Variants in GAL3ST1 observed in about 807,000 individuals in gnomAD.
The protein encoded by GAL3ST1 is galactosylceramide sulfotransferase.
GAL3ST1 carries 13 observed loss-of-function variants against 25.0 expected under a neutral mutation model. The observed-to-expected ratio is 0.52, with a 90% CI of 0.34 to 0.83. The LOEUF (loss-of-function observed/expected upper bound fraction) is 0.83, where lower values mean the gene tolerates loss of function less well. Among genes scored for constraint, GAL3ST1 ranks in the 40% least tolerant of loss-of-function variants. The pLI is 0.02. For synonymous variants in GAL3ST1, 274 were observed against 277.8 expected (o/e 0.99, Z 0.14); for missense variants, 474 against 613.6 (o/e 0.77, Z 2.40).
intron 3 of GAL3ST1, among the ~76,000 whole-genome samples, chr22:30,556,571 C>T (rs2086041775): frequency 6.6e-6 from 1 of 152,174 alleles, no homozygotes. Flanking sequence ...TTCTCAGGAG[C>T]TGGGCCTGGA....
intron 1 of GAL3ST1, among the ~76,000 whole-genome samples, chr22:30,560,069 G>A (rs1409318071): frequency 6.6e-6 from 1 of 152,188 alleles, no homozygotes; most frequent in Non-Finnish European, 1.5e-5. Context: ...GGGGGCAGAG[G>A]TTGGCAGAGG....
intron 1 of GAL3ST1, chr22:30,560,173 A>G (rs555324880): frequency 2.6e-4 from 39 of 152,316 alleles, no homozygotes; most frequent in African/African-American, 9.1e-4. Context: ...CAACACGTTA[A>G]CAAATGTGTT....
At chr22:30,570,923 T>C (rs1475461898) in intron 1 of GAL3ST1, among the ~76,000 whole-genome samples, 1 of 152,042 alleles carries the variant, frequency 6.6e-6, no homozygotes, top group Non-Finnish European at 1.5e-5. Flanking sequence ...AAATTGTAGC[T>C]CTCTGGGGAG....
At chr22:30,573,775 G>A (rs1336019941) in intron 1 of GAL3ST1, among the ~76,000 whole-genome samples, 1 of 152,222 alleles carries the variant, frequency 6.6e-6, no homozygotes, top group Non-Finnish European at 1.5e-5. Context: ...CCACTGGGCA[G>A]GGCTCGGTCT....
intron 1 of GAL3ST1, among the ~76,000 whole-genome samples, chr22:30,569,020 G>A (rs1273913477): frequency 2.0e-5 from 3 of 147,948 alleles, no homozygotes; most frequent in Non-Finnish European, 4.4e-5. Flanking sequence ...AGTTTGCAGT[G>A]AGCAGAGATC....
chr22:30,556,626 C>G (rs533890698), intron 3 of GAL3ST1, among the ~76,000 whole-genome samples: 1 of 152,194 alleles, frequency 6.6e-6, no homozygotes, highest in Non-Finnish European at 1.5e-5. Context: ...CAGGTCGCCC[C>G]CACCAGGGCC....
intron 3 of GAL3ST1, 126 bp from the exon 4 acceptor site, chr22:30,556,219 G>C: frequency 1.3e-6 from 1 of 772,972 alleles, no homozygotes; most frequent in Non-Finnish European, 2.0e-6. Flanking sequence ...AGACCTGTGG[G>C]GCCTGAGTCC....
chr22:30,564,533 C>T (rs2086562868), intron 1 of GAL3ST1, among the ~76,000 whole-genome samples: 1 of 152,196 alleles, frequency 6.6e-6, no homozygotes, highest in African/African-American at 2.4e-5. Flanking sequence ...ACGGTCCCCC[C>T]GTCACCAGCC....
Position 30,556,027 on chromosome 22 carries a change from G to C in GAL3ST1, c.198C>G (p.Asn66Lys), listed in dbSNP as rs4149493. ...ALEPEAVIRANGSAGECQPRR... is the reference protein window; with the variant it reads ...ALEPEAVIRAKGSAGECQPRR... ...GCGGCTGGCACTCCCCCGCCGAGCC[G>C]TTGGCCCGGATCACTGCCTCTGGCT... The change falls in exon 4 of 4, where the codon AAC (asparagine) becomes AAG (lysine). Residue 66 changes from asparagine (N) to lysine (K), a missense_variant. Physicochemically the swap from Asn to Lys is moderately conservative, Grantham distance 94. This residue lies in a region of GAL3ST1 where 115 missense variants were observed against 109.2 expected (regional missense o/e 1.05). Coordinates refer to ENST00000406361, the MANE Select transcript of GAL3ST1 (RefSeq NM_001318104.2). The C allele has an allele frequency of 1.5e-5, 24 of 1,612,704 alleles. No individual in the cohort carries two copies. In the Admixed American group the frequency reaches 3.7e-4, roughly 25 times the overall value.
rs566183603 is a variant in GAL3ST1, at chr22:30,557,513, C to A, written c.-9-112G>T. ...TGCCTTTGCCTGCTCTGTGGCCCCC[C>A]AGCAGGGTCCAGACAGGGACAGAGA... is the stretch of plus-strand genomic sequence containing the variant. On this transcript the variant is annotated intron_variant, in intron 2 of 3. Coordinates refer to ENST00000406361, the MANE Select transcript of GAL3ST1 (RefSeq NM_001318104.2). 10 of 1,150,912 alleles carry A rather than the reference C, an allele frequency of 8.7e-6. No homozygotes were observed. In the South Asian group the frequency reaches 1.4e-4, roughly 17 times the overall value. 71.3% of individuals were successfully genotyped at this position (1,150,912 alleles called of 1,614,324 possible). A position where few individuals can be genotyped will look rare whatever the true frequency, so the allele number is the denominator to read the frequency against.
intron 1 of GAL3ST1, among the ~76,000 whole-genome samples, chr22:30,574,058 C>A (rs989211517): frequency 6.6e-6 from 1 of 152,158 alleles, no homozygotes; most frequent in Non-Finnish European, 1.5e-5. Flanking sequence ...CTAGGAAGGG[C>A]TGATGGAGAC....
intron 1 of GAL3ST1, among the ~76,000 whole-genome samples, chr22:30,564,079 T>G (rs1331369092): frequency 3.3e-5 from 5 of 152,164 alleles, no homozygotes; most frequent in Admixed American, 2.0e-4. Context: ...ACACTTCTGG[T>G]CCCAAGCATT....
intron 1 of GAL3ST1, among the ~76,000 whole-genome samples, chr22:30,573,848 A>T (rs368943282): frequency 4.6e-5 from 7 of 151,912 alleles, no homozygotes; most frequent in African/African-American, 1.7e-4. Context: ...ATCAAGCTGG[A>T]CCCCCTTCCT....
chr22:30,559,133 G>A (rs1051828226), intron 1 of GAL3ST1, among the ~76,000 whole-genome samples: 1 of 151,976 alleles, frequency 6.6e-6, no homozygotes, highest in Non-Finnish European at 1.5e-5. Flanking sequence ...ATTCCTGCCT[G>A]GGTGACAGAG....
Position 30,555,008 on chromosome 22 carries a change from G to A in GAL3ST1, c.1217C>T (p.Ala406Val). The change falls in exon 4 of 4, where the codon GCC (alanine) becomes GTC (valine). Residue 406 changes from alanine to valine, a missense_variant. This residue lies in a region of GAL3ST1 where 359 missense variants were observed against 504.4 expected (regional missense o/e 0.71). Transcript: ENST00000406361. This position sits in a 1 kb window ranked among gnomAD's most constrained non-coding sequence, Gnocchi z 8.6. The part of the protein sequence containing the change: ...PEIQYLMDLG[A>V]NLWVTKLWKF... ...CCAGAGCTTGGTGACCCACAGGTTG[G>A]CGCCGAGGTCCATCAGGTACTGGAT... 1 of 1,600,182 alleles carries A rather than the reference G, an allele frequency of 6.2e-7. No individual in the cohort carries two copies. The highest frequency in any genetic ancestry group is 8.5e-7 in the Non-Finnish European group (1 of 1,170,008).
At chr22:30,571,010 ACACACT>A (rs1363285352) in intron 1 of GAL3ST1, among the ~76,000 whole-genome samples, 2 of 147,248 alleles carry the variant, frequency 1.4e-5, no homozygotes, top group Admixed American at 6.8e-5. Flanking sequence ...ACACACACAC[ACACACT>A]CTTTACAAAA....
At chr22:30,568,915 A>G (rs570234946) in intron 1 of GAL3ST1, among the ~76,000 whole-genome samples, 1 of 152,150 alleles carries the variant, frequency 6.6e-6, no homozygotes, top group Admixed American at 6.5e-5. Context: ...GTCTGTACTA[A>G]AAATACAGAA....
At chr22:30,561,371 G>A (rs1369204708) in intron 1 of GAL3ST1, among the ~76,000 whole-genome samples, 7 of 152,088 alleles carry the variant, frequency 4.6e-5, no homozygotes, top group Non-Finnish European at 8.8e-5. Flanking sequence ...GCCCAAAGCA[G>A]GGGCCTGCCT....
chr22:30,566,329 G>T (rs1469943500), intron 1 of GAL3ST1, among the ~76,000 whole-genome samples: 1 of 152,248 alleles, frequency 6.6e-6, no homozygotes, highest in Non-Finnish European at 1.5e-5. Context: ...CGTGGACTCT[G>T]AACCCAACAC....
Sources: allele counts gnomAD v4.1 joint callset (sites outside exome capture counted in the v4.1 genomes callset), GRCh38; gene constraint gnomAD v4.1.1; regional missense constraint gnomAD v4.1.1; non-coding constraint Gnocchi (gnomAD v3.1); transcripts MANE v1.5; gene names NCBI Gene and HGNC (gene_info 2026-07-23, HGNC 2026-07-21).